ULK4: variants seen among roughly 807,000 people sequenced by gnomAD.
ULK4 encodes inactive serine/threonine-protein kinase ULK4.
In ULK4, 133 loss-of-function variants were observed where a neutral mutation model predicts 160.6. That is an observed-to-expected ratio of 0.83 (90% CI 0.72 to 0.96). The LOEUF (loss-of-function observed/expected upper bound fraction) is 0.96, where lower values mean the gene tolerates loss of function less well. Among genes scored for constraint, ULK4 ranks in the 40% least tolerant of loss-of-function variants. The pLI is 0.00. For synonymous variants in ULK4, 534 were observed against 539.8 expected (o/e 0.99, Z 0.15); for missense variants, 1,580 against 1,499.5 (o/e 1.05, Z -0.89).
At position 41,484,810 on chromosome 3, in the gene ULK4, C is replaced by T. The variant is rs565938654; in HGVS notation, c.3227-21557G>A. Among the ~76,000 whole-genome samples, 45 of 152,206 alleles carry T rather than the reference C, an allele frequency of 3.0e-4. 2 individuals are homozygous for T. In the South Asian group the frequency reaches 8.1e-3, roughly 27 times the overall value. ...ATTTGAAGATGGAGAACGACCACCA[C>T]GTGATATCTGAGGTTTCTTTCCACT... On this transcript the variant is annotated intron_variant, in intron 32 of 36. Transcript: ENST00000301831.
intron 30 of ULK4, among the ~76,000 whole-genome samples, chr3:41,626,439 T>C (rs1490935587): frequency 6.6e-6 from 1 of 152,134 alleles, no homozygotes; most frequent in Non-Finnish European, 1.5e-5. Flanking sequence ...CTTAAGATGA[T>C]TTTGTCACGA....
chr3:41,478,334 C>T lies in ULK4; in HGVS notation c.3227-15081G>A, dbSNP rs115131454. Among the ~76,000 whole-genome samples, 776 of 151,318 alleles carry T rather than the reference C, an allele frequency of 5.1e-3. 7 individuals carry two copies. Among genetic ancestry groups the T allele is most frequent in the African/African-American group, 0.018 (748 of 40,976 alleles). On this transcript the variant is annotated intron_variant, in intron 32 of 36. Coordinates refer to ENST00000301831, the MANE Select transcript of ULK4 (RefSeq NM_017886.4). The stretch of plus-strand genomic sequence containing the variant: ...AATAAGACAGAAGCTAATGTTTCAA[C>T]AAAATGTTTTCTTTCAAAAATCTGG...
At chr3:41,423,517 T>C (rs887233346) in intron 34 of ULK4, among the ~76,000 whole-genome samples, 1 of 151,524 alleles carries the variant, frequency 6.6e-6, no homozygotes, top group African/African-American at 2.4e-5. Flanking sequence ...GACCATCAAA[T>C]GAGGAATAAA....
intron 29 of ULK4, among the ~76,000 whole-genome samples, chr3:41,668,663 A>C (rs1185106514): frequency 6.6e-6 from 1 of 152,228 alleles, no homozygotes; most frequent in Non-Finnish European, 1.5e-5. Flanking sequence ...ATAAATCAAA[A>C]GAAAAGAAAG....
intron 34 of ULK4, among the ~76,000 whole-genome samples, chr3:41,399,198 G>C (rs557692767): frequency 2.0e-5 from 3 of 152,092 alleles, no homozygotes; most frequent in South Asian, 4.1e-4. Flanking sequence ...AGTTATCTTA[G>C]TAGGTCTAGA....
chr3:41,641,119 T>C (rs1360040137), intron 30 of ULK4, among the ~76,000 whole-genome samples: 4 of 152,182 alleles, frequency 2.6e-5, no homozygotes, highest in African/African-American at 9.6e-5. Flanking sequence ...ATAAGTCTTT[T>C]CCAGTTGATG....
At chr3:41,957,889 T>TA (rs1290407129) in intron 1 of ULK4, among the ~76,000 whole-genome samples, 27 of 151,548 alleles carry the variant, frequency 1.8e-4, no homozygotes, top group Non-Finnish European at 3.1e-4. Context: ...TAAAAATTTT[T>TA]AAAAATTAGC....
chr3:41,948,103 T>C (rs1700166869), intron 2 of ULK4, among the ~76,000 whole-genome samples: 1 of 152,284 alleles, frequency 6.6e-6, no homozygotes, highest in South Asian at 2.1e-4. Context: ...TCCATCTATG[T>C]GTTCTCTATG....
rs533619220 is a variant in ULK4, at chr3:41,335,879, CA to C, written c.3678+62199del. On this transcript the variant is annotated intron_variant, in intron 35 of 36. Transcript: ENST00000301831. The stretch of plus-strand genomic sequence containing the variant: ...AGGAACACGTCAACATCAGGTAACC[CA>C]AATAAAAATGCTCTACATTCTTTTA... Among the ~76,000 whole-genome samples, 22 of 152,216 alleles carry C rather than the reference CA, an allele frequency of 1.4e-4. No individual in the cohort carries two copies. In the East Asian group the frequency reaches 3.5e-3, roughly 24 times the overall value.
intron 20 of ULK4, among the ~76,000 whole-genome samples, chr3:41,799,255 A>C (rs1238391733): frequency 6.6e-6 from 1 of 152,180 alleles, no homozygotes; most frequent in Non-Finnish European, 1.5e-5. Flanking sequence ...AAATCATAGG[A>C]GAGAGGGTTA....
chr3:41,941,160 C>T (rs1699940679), intron 2 of ULK4, among the ~76,000 whole-genome samples: 4 of 151,466 alleles, frequency 2.6e-5, no homozygotes, highest in Admixed American at 2.6e-4. Context: ...TCTCAGCCTC[C>T]AGAGTAGTGG....
chr3:41,570,501 A>G (rs2087933810), intron 31 of ULK4, among the ~76,000 whole-genome samples: 1 of 91,346 alleles, frequency 1.1e-5, no homozygotes, highest in Non-Finnish European at 2.2e-5. Context: ...AAGAAAGTGG[A>G]GCTAATAAAT....
chr3:41,262,198 C>T (rs2078958922), intron 35 of ULK4, among the ~76,000 whole-genome samples: 1 of 152,200 alleles, frequency 6.6e-6, no homozygotes, highest in African/African-American at 2.4e-5. Context: ...CGGTGTCCAA[C>T]TGGGGAAGCC....
chr3:41,607,941 T>C (rs974715181), intron 31 of ULK4, among the ~76,000 whole-genome samples: 1 of 152,120 alleles, frequency 6.6e-6, no homozygotes, highest in African/African-American at 2.4e-5. Flanking sequence ...TGAAAAATAA[T>C]GAGGAGAACA....
chr3:41,563,458 A>C (rs1365578269), intron 32 of ULK4, among the ~76,000 whole-genome samples: 1 of 152,122 alleles, frequency 6.6e-6, no homozygotes, highest in Non-Finnish European at 1.5e-5. Flanking sequence ...AGTGTTTTCC[A>C]CCTTGGTTCC....
At chr3:41,716,879 A>G (rs2037285097) in intron 23 of ULK4, among the ~76,000 whole-genome samples, 1 of 152,132 alleles carries the variant, frequency 6.6e-6, no homozygotes, top group African/African-American at 2.4e-5. Context: ...TTCAAACCAA[A>G]GAAAGTTTCA....
intron 32 of ULK4, among the ~76,000 whole-genome samples, chr3:41,528,392 A>C (rs1265824490): frequency 6.6e-6 from 1 of 152,242 alleles, no homozygotes; most frequent in African/African-American, 2.4e-5. Flanking sequence ...AGAAACAGAC[A>C]TTTATATATA....
intron 35 of ULK4, among the ~76,000 whole-genome samples, chr3:41,331,041 T>A (rs2080431952): frequency 6.6e-6 from 1 of 152,192 alleles, no homozygotes. Context: ...CCACTGCTCT[T>A]GGGCTGTTAC....
chr3:41,605,645 TTACAA>T (rs796251824), intron 31 of ULK4, among the ~76,000 whole-genome samples: 10 of 152,028 alleles, frequency 6.6e-5, no homozygotes, highest in African/African-American at 1.7e-4. Flanking sequence ...AAAACCACAC[TTACAA>T]TACGAGAGTC....
Sources: allele counts gnomAD v4.1 joint callset (sites outside exome capture counted in the v4.1 genomes callset), GRCh38; gene constraint gnomAD v4.1.1; transcripts MANE v1.5; gene names NCBI Gene and HGNC (gene_info 2026-07-23, HGNC 2026-07-21).